The following POT1 variants were observed in gnomAD, a reference collection of about 807,000 sequenced individuals.
POT1 encodes protection of telomeres protein 1.
Under a neutral mutation model 78.5 loss-of-function variants are expected in POT1, and 47 were observed. The ratio of observed to expected loss-of-function variants is 0.60; its 90% CI spans 0.47 to 0.76. The LOEUF (loss-of-function observed/expected upper bound fraction) is 0.76, where lower values mean the gene tolerates loss of function less well. POT1 is among the 30% of genes least tolerant of loss of function. The pLI, the probability that POT1 is intolerant of heterozygous loss-of-function variation, is 0.00. For missense variants in POT1, 646 were observed against 749.9 expected (o/e 0.86, Z 1.62); for synonymous variants, 259 against 260.7 (o/e 0.99, Z 0.06).
intron 16 of POT1, among the ~76,000 whole-genome samples, chr7:124,827,660 T>C (rs2116416651): frequency 6.6e-6 from 1 of 152,342 alleles, no homozygotes. Flanking sequence ...AGATTCATTT[T>C]GGAATATTTC....
At chr7:124,872,766 T>C (rs1461016586) in intron 6 of POT1, among the ~76,000 whole-genome samples, 2 of 152,174 alleles carry the variant, frequency 1.3e-5, no homozygotes, top group African/African-American at 4.8e-5. Flanking sequence ...GATCATATGG[T>C]AGTTCTAATT....
chr7:124,829,983 C>T (rs986747545), intron 15 of POT1, among the ~76,000 whole-genome samples: 5 of 152,086 alleles, frequency 3.3e-5, no homozygotes, highest in Non-Finnish European at 7.4e-5. Flanking sequence ...CAGGTGTGAG[C>T]CACCATACCT....
intron 3 of POT1, among the ~76,000 whole-genome samples, chr7:124,904,370 T>C (rs980278761): frequency 3.3e-5 from 5 of 152,128 alleles, no homozygotes; most frequent in Non-Finnish European, 7.4e-5. Context: ...TAATCCATCA[T>C]ATAAACAGAA....
At chr7:124,919,397 G>A (rs1040701490) in intron 2 of POT1, among the ~76,000 whole-genome samples, 1 of 152,152 alleles carries the variant, frequency 6.6e-6, no homozygotes, top group African/African-American at 2.4e-5. Context: ...TATAAAAAAT[G>A]TAACACATCC....
At chr7:124,866,581 T>C (rs1204186647) in intron 7 of POT1, among the ~76,000 whole-genome samples, 1 of 152,204 alleles carries the variant, frequency 6.6e-6, no homozygotes, top group East Asian at 1.9e-4. Flanking sequence ...AACTCCTTCC[T>C]CTCTGGTTTC....
intron 15 of POT1, among the ~76,000 whole-genome samples, chr7:124,834,449 T>G (rs1282267920): frequency 6.6e-6 from 1 of 152,008 alleles, no homozygotes; most frequent in East Asian, 1.9e-4. Context: ...GAACAGACAG[T>G]TCTTAAAAGG....
At chr7:124,847,376 C>T (rs946108275) in intron 11 of POT1, among the ~76,000 whole-genome samples, 3 of 152,146 alleles carry the variant, frequency 2.0e-5, no homozygotes, top group African/African-American at 7.2e-5. Context: ...TGCCTGTAAT[C>T]CCAGCTACTC....
intron 12 of POT1, among the ~76,000 whole-genome samples, chr7:124,844,071 A>G (rs534798545): frequency 1.3e-5 from 2 of 151,156 alleles, no homozygotes; most frequent in Non-Finnish European, 2.9e-5. Context: ...AACATTTATT[A>G]CATCAGAGTG....
chr7:124,858,276 G>A (rs1795495925), intron 9 of POT1, among the ~76,000 whole-genome samples: 1 of 152,106 alleles, frequency 6.6e-6, no homozygotes, highest in East Asian at 1.9e-4. Context: ...AAAGTGCCTA[G>A]CAAAAGTTAC....
At chr7:124,835,539 T>C (rs1470756812) in intron 14 of POT1, 125 bp from the exon 15 acceptor site, 1 of 1,044,808 alleles carries the variant, frequency 9.6e-7, no homozygotes, top group Non-Finnish European at 1.3e-6. Context: ...ACAATGAATG[T>C]ATGTAAAAAA....
At chr7:124,908,314 G>A (rs192688064) in intron 3 of POT1, among the ~76,000 whole-genome samples, 2 of 151,974 alleles carry the variant, frequency 1.3e-5, no homozygotes, top group African/African-American at 2.4e-5. Flanking sequence ...GCATGTACTG[G>A]GTTGAGTAAT....
intron 2 of POT1, among the ~76,000 whole-genome samples, chr7:124,924,627 A>G (rs1172158591): frequency 6.6e-6 from 1 of 152,020 alleles, no homozygotes; most frequent in East Asian, 1.9e-4. Context: ...TCTACAAGGT[A>G]TCACCCTGAT....
chr7:124,830,172 T>C lies in POT1; in HGVS notation c.1506-830A>G, dbSNP rs928886568. On this transcript the variant is annotated intron_variant, in intron 15 of 18. Transcript: ENST00000357628. ...CCATAGTTAACTTTTGAAATGTATA[T>C]AAATCTAAGACTACACAATACACTA... Among the ~76,000 whole-genome samples, 7 of 152,332 alleles carry C rather than the reference T, an allele frequency of 4.6e-5. No individual in the cohort carries two copies. The East Asian group carries it at 1.4e-3, about 29-fold the overall frequency.
At chr7:124,860,853 C>T (rs943479593) in intron 8 of POT1, among the ~76,000 whole-genome samples, 4 of 151,930 alleles carry the variant, frequency 2.6e-5, no homozygotes, top group African/African-American at 7.3e-5. Flanking sequence ...TGAGAACATG[C>T]GGTGTTTGGT....
chr7:124,823,486 G>A lies in POT1; in HGVS notation c.*476C>T, dbSNP rs1398414805. 6.6e-6 allele frequency: 1 copy of A among 152,080 alleles called. No individual in the cohort carries two copies. The highest frequency in any genetic ancestry group is 2.4e-5 in the African/African-American group (1 of 41,380). The allele number at this position is 152,080 out of a possible 1,614,324, so 9.4% of individuals were successfully genotyped here. A position where few individuals can be genotyped will look rare whatever the true frequency, so the allele number is the denominator to read the frequency against. Reference sequence around the variant, plus strand: ...TGTAATAGCGGCATATTTTACATGAGACTATTAGAAAAGGATAATATTAAG... The same window carrying A: ...TGTAATAGCGGCATATTTTACATGAAACTATTAGAAAAGGATAATATTAAG... On this transcript the variant is annotated 3_prime_UTR_variant, in exon 19 of 19. Transcript: ENST00000357628.
rs577142515 is a variant in POT1, at chr7:124,922,094, G to A, written c.-226-6448C>T. ...AACAGAATCCAGAAAGCAGTGGACC[G>A]GCATCTCTATAGTCCTAAAAGAAAA... On this transcript the variant is annotated intron_variant, in intron 2 of 18. Transcript: ENST00000357628. Among the ~76,000 whole-genome samples, 31 of 151,834 alleles carry A rather than the reference G, an allele frequency of 2.0e-4. No homozygotes were observed. The East Asian group carries it at 5.4e-3, about 26-fold the overall frequency.
intron 10 of POT1, 142 bp downstream of exon 10, chr7:124,852,830 T>G: frequency 4.4e-6 from 3 of 685,910 alleles, no homozygotes. Context: ...TCATTTGATT[T>G]GTTTCATTTG....
At chr7:124,862,573 G>C (rs971260207) in intron 8 of POT1, among the ~76,000 whole-genome samples, 1 of 152,132 alleles carries the variant, frequency 6.6e-6, no homozygotes, top group Non-Finnish European at 1.5e-5. Flanking sequence ...TTTATTCAAT[G>C]ATTTCTAACT....
At chr7:124,827,405 AT>A in intron 16 of POT1, 100 bp from the exon 17 acceptor site, 1 of 523,482 alleles carries the variant, frequency 1.9e-6, no homozygotes, top group Non-Finnish European at 3.1e-6. Context: ...TGTAAATTTT[AT>A]TTACTAAAAT....
Sources: gnomAD v4.1 joint callset for allele counts (sites outside exome capture counted in the v4.1 genomes callset) on GRCh38, gnomAD v4.1.1 for gene constraint, MANE v1.5 for transcripts, NCBI Gene and HGNC (gene_info 2026-07-23, HGNC 2026-07-21) for gene names.